The following AVEN variants were observed in gnomAD, a reference collection of about 807,000 sequenced individuals.
AVEN encodes apoptosis and caspase activation inhibitor, also known as cell death regulator Aven.
Under a neutral mutation model 38.1 loss-of-function variants are expected in AVEN, and 41 were observed. That is an observed-to-expected ratio of 1.08 (90% confidence interval 0.84 to 1.40). AVEN has a LOEUF of 1.40. Ranked by LOEUF, AVEN falls within the 40% of genes most tolerant of loss-of-function variation. The probability of loss-of-function intolerance (pLI) is 0.00; values close to 1 mark genes in which losing one functional copy is unlikely to be tolerated. For missense variants in AVEN, 605 were observed against 438.8 expected (o/e 1.38, Z -3.38); for synonymous variants, 206 against 171.8 (o/e 1.20, Z -1.56).
chr15:33,997,060 T>C (rs1282848641), intron 2 of AVEN, among the ~76,000 whole-genome samples: 1 of 152,122 alleles, frequency 6.6e-6, no homozygotes, highest in African/African-American at 2.4e-5. Context: ...TAGCAAACAA[T>C]AAAATGTAAC....
chr15:33,902,385 T>C (rs684146), intron 2 of AVEN, among the ~76,000 whole-genome samples: 133,954 of 152,222 alleles, frequency 0.88, 60,507 homozygotes, highest in Non-Finnish European at 0.98. Context: ...AGTTAAATAT[T>C]CTTTCTCAAT....
In AVEN at chr15:33,990,343, C is replaced by T. The variant is rs1475199547; in HGVS notation, c.445+12689G>A. On this transcript the variant is annotated intron_variant, in intron 2 of 5. Transcript: ENST00000306730. ...GCTGCAGTGAGCCGAGATCACGCCA[C>T]TGCCCTCCAGCATGGGCGACAGAGT... is the stretch of plus-strand genomic sequence containing the variant. 5.3e-5 allele frequency among the ~76,000 whole-genome samples: 8 copies of T among 152,206 alleles called. No individual in the cohort carries two copies. The East Asian group carries it at 1.5e-3, about 29-fold the overall frequency.
chr15:34,030,205 G>A (rs1322684603), intron 1 of AVEN, among the ~76,000 whole-genome samples: 1 of 152,144 alleles, frequency 6.6e-6, no homozygotes, highest in Non-Finnish European at 1.5e-5. Context: ...AGGGAGCTGA[G>A]ATCACACCAC....
At chr15:33,979,678 T>A (rs913712029) in intron 2 of AVEN, among the ~76,000 whole-genome samples, 70 of 152,304 alleles carry the variant, frequency 4.6e-4, no homozygotes, top group African/African-American at 1.6e-3. Flanking sequence ...CATTCTATAA[T>A]GTTCCTGAAG....
intron 1 of AVEN, among the ~76,000 whole-genome samples, chr15:34,026,340 T>G (rs1471421423): frequency 6.6e-6 from 1 of 152,218 alleles, no homozygotes; most frequent in Non-Finnish European, 1.5e-5. Flanking sequence ...GCAAAATAGA[T>G]GAAGCTTTTA....
exon 12 of AVEN, chr15:33,858,818 CAG>C (rs938344512): frequency 2.0e-5 from 3 of 152,204 alleles, no homozygotes; most frequent in African/African-American, 7.2e-5. Flanking sequence ...GTCTCAGGGA[CAG>C]GGGACAGTGA....
chr15:34,003,029 T>C lies in AVEN; in HGVS notation c.445+3A>G. 1 of 1,609,532 alleles carries C rather than the reference T, an allele frequency of 6.2e-7. No homozygotes were observed. Among genetic ancestry groups the C allele is most frequent in the Non-Finnish European group, 8.5e-7 (1 of 1,178,286 alleles). On this transcript the variant is annotated splice_donor_region_variant and intron_variant, in intron 2 of 5. Transcript: ENST00000306730. The stretch of plus-strand genomic sequence containing the variant: ...ACAGTATGCATGCAACTGGAATTCA[T>C]ACCTGCAGAGCTAAGGAGGACACTG...
chr15:34,053,313 A>ATATATAT (rs1480493613), intron 5 of AVEN, among the ~76,000 whole-genome samples: 3 of 94,598 alleles, frequency 3.2e-5, no homozygotes, highest in African/African-American at 4.3e-5. Context: ...AAAAAAAAAA[A>ATATATAT]AAAAAAATAT....
rs892728215 is a variant in AVEN at position 33,949,268 on chromosome 15, C to T, written c.445+53764G>A. ...GTCTCAATCTCCTGACCTCATGATCCGCCCGCCTCAGCCTCGGCTGGGATT... is the reference window on the plus strand; with the variant it reads ...GTCTCAATCTCCTGACCTCATGATCTGCCCGCCTCAGCCTCGGCTGGGATT... On this transcript the variant is annotated intron_variant, in intron 2 of 5. Transcript: ENST00000306730. 7.2e-5 allele frequency among the ~76,000 whole-genome samples: 11 copies of T among 152,060 alleles called. No homozygotes were observed. The South Asian group carries it at 8.3e-4, about 11-fold the overall frequency.
At chr15:33,873,152 T>C (rs752759658) in intron 3 of AVEN, among the ~76,000 whole-genome samples, 2 of 137,122 alleles carry the variant, frequency 1.5e-5, no homozygotes, top group African/African-American at 5.5e-5. Flanking sequence ...CAGGCTGGAG[T>C]GCAATGGCAC....
At chr15:34,045,665 G>A (rs529206159) in intron 5 of AVEN, among the ~76,000 whole-genome samples, 1 of 151,710 alleles carries the variant, frequency 6.6e-6, no homozygotes, top group African/African-American at 2.4e-5. Context: ...AAACAATGAA[G>A]AGTAACAAGG....
intron 5 of AVEN, among the ~76,000 whole-genome samples, chr15:34,057,687 C>T (rs1900206895): frequency 6.6e-6 from 1 of 152,138 alleles, no homozygotes; most frequent in African/African-American, 2.4e-5. Context: ...GTCCCAGCTA[C>T]GTGGGAGGCT....
At chr15:34,064,472 AG>A in intron 4 of AVEN, 1 of 846,428 alleles carries the variant, frequency 1.2e-6, no homozygotes, top group Non-Finnish European at 1.8e-6. Context: ...GCCAAATGGA[AG>A]GGGCCATAGC....
chr15:33,907,912 A>T (rs1892768506), intron 2 of AVEN, among the ~76,000 whole-genome samples: 2 of 152,150 alleles, frequency 1.3e-5, no homozygotes, highest in Admixed American at 1.3e-4. Context: ...ACCTTTATAA[A>T]CACAATACAA....
intron 2 of AVEN, among the ~76,000 whole-genome samples, chr15:33,884,592 A>T (rs1400163835): frequency 6.6e-6 from 1 of 152,184 alleles, no homozygotes. Flanking sequence ...AGAACTCCTC[A>T]GTACTAATAT....
At chr15:34,052,513 AAAG>A (rs1899963238) in intron 5 of AVEN, among the ~76,000 whole-genome samples, 1 of 152,234 alleles carries the variant, frequency 6.6e-6, no homozygotes, top group Non-Finnish European at 1.5e-5. Flanking sequence ...CAGGCAAGAG[AAAG>A]AAATGAAGCA....
intron 1 of AVEN, among the ~76,000 whole-genome samples, chr15:34,004,471 G>C (rs965770210): frequency 6.6e-6 from 1 of 152,114 alleles, no homozygotes; most frequent in African/African-American, 2.4e-5. Context: ...GTACTGATTT[G>C]AACAATCTAG....
At position 33,920,248 on chromosome 15, in the gene AVEN, G is replaced by A. The variant is rs146060802; in HGVS notation, c.446-44253C>T. On this transcript the variant is annotated intron_variant, in intron 2 of 5. Transcript: ENST00000306730. ...AACATTTTTAAGTGGAAACAGTTCA[G>A]TAGCATTAAGTATATGCATATTGTC... Among the ~76,000 whole-genome samples the A allele has an allele frequency of 5.8e-4, 89 of 152,266 alleles. 1 individual carries two copies. The highest frequency in any genetic ancestry group is 1.2e-3 in the Non-Finnish European group (82 of 68,006).
chr15:33,997,628 T>G (rs986412457), intron 2 of AVEN, among the ~76,000 whole-genome samples: 1 of 152,144 alleles, frequency 6.6e-6, no homozygotes, highest in African/African-American at 2.4e-5. Flanking sequence ...CAATAATCCT[T>G]CTGCCCTGAA....
Sources: allele counts gnomAD v4.1 joint callset (sites outside exome capture counted in the v4.1 genomes callset), GRCh38; gene constraint gnomAD v4.1.1; transcripts MANE v1.5; gene names NCBI Gene and HGNC (gene_info 2026-07-23, HGNC 2026-07-21).